The following GEMIN5 variants were observed in gnomAD, a reference collection of about 807,000 sequenced individuals.
GEMIN5 encodes the protein gem nuclear organelle associated protein 5.
A neutral mutation model predicts 176.9 loss-of-function variants in GEMIN5; 124 were observed. That is an observed-to-expected ratio of 0.70 (90% CI 0.61 to 0.81). The LOEUF (loss-of-function observed/expected upper bound fraction) is 0.81. Ranked by LOEUF, GEMIN5 falls within the 40% of genes least tolerant of loss-of-function variation. The probability of loss-of-function intolerance (pLI) is 0.00; values close to 1 mark genes in which losing one functional copy is unlikely to be tolerated. For synonymous variants in GEMIN5, 673 were observed against 665.2 expected, an observed-to-expected ratio of 1.01 and a Z score of -0.18; for missense variants, 1,843 against 1,814.6, an observed-to-expected ratio of 1.02 and a Z score of -0.28.
At position 154,891,548 on chromosome 5, in the gene GEMIN5, C is replaced by G. The variant is rs1221116724; in HGVS notation, c.3955G>C (p.Asp1319His). Residue 1319 changes from aspartate (D) to histidine (H), a missense_variant, in exon 26 of 28, where the codon GAC (aspartate) becomes CAC (histidine). Coordinates refer to ENST00000285873, the MANE Select transcript of GEMIN5 (RefSeq NM_015465.5). ...TLSVEPSQQL[D>H]TASTEETDPE... Reference sequence around the variant, plus strand: ...TCCGTTTCTTCAGTGCTGGCAGTGTCTAACTGCTGGCTTGGCTCAACAGAG... The same window carrying G: ...TCCGTTTCTTCAGTGCTGGCAGTGTGTAACTGCTGGCTTGGCTCAACAGAG... 1 of 1,614,166 alleles carries G rather than the reference C, an allele frequency of 6.2e-7. No individual in the cohort carries two copies. The highest frequency in any genetic ancestry group is 2.2e-5 in the East Asian group (1 of 44,884).
At chr5:154,893,902 C>G (rs1469812729) in intron 24 of GEMIN5, among the ~76,000 whole-genome samples, 1 of 152,106 alleles carries the variant, frequency 6.6e-6, no homozygotes, top group Non-Finnish European at 1.5e-5. Context: ...CGCCACCACG[C>G]GCGGCTAACA....
chr5:154,914,695 A>G (rs1763777744), intron 13 of GEMIN5, among the ~76,000 whole-genome samples: 2 of 151,808 alleles, frequency 1.3e-5, no homozygotes, highest in Non-Finnish European at 2.9e-5. Flanking sequence ...TCTTCCTGCC[A>G]TGGTCTCCTC....
At chr5:154,891,883 A>G in intron 25 of GEMIN5, 141 bp from the exon 26 acceptor site, 1 of 787,124 alleles carries the variant, frequency 1.3e-6, no homozygotes, top group South Asian at 1.8e-5. Context: ...ACCGGGCCAC[A>G]TGCCTTTCCA....
chr5:154,896,322 G>A lies in GEMIN5; in HGVS notation c.3367C>T (p.Leu1123Phe). 6.3e-7 allele frequency: 1 copy of A among 1,590,128 alleles called. No homozygotes were observed. The highest frequency in any genetic ancestry group is 1.1e-5 in the South Asian group (1 of 87,748). ...AGATGCCTGGACAGTAGCTCCAGAA[G>A]GCAAAACACCAATCTCTGACCCTGG... ...SLQGQRLVFCLLELLSRHLEE... is the reference protein window; with the variant it reads ...SLQGQRLVFCFLELLSRHLEE... The change falls in exon 24 of 28, where the codon CTT (leucine) becomes TTT (phenylalanine). Residue 1123 changes from leucine (L) to phenylalanine (F), a missense_variant. Transcript: ENST00000285873.
intron 15 of GEMIN5, among the ~76,000 whole-genome samples, chr5:154,908,331 C>T (rs2113477625): frequency 6.6e-6 from 1 of 152,236 alleles, no homozygotes; most frequent in Non-Finnish European, 1.5e-5. Flanking sequence ...CAGGCACGCA[C>T]AACCACGCCC....
Position 154,899,041 on chromosome 5 carries a change from T to C in GEMIN5, c.3134+150A>G. ...AAATCAGGAAGTAGTTCCTGATGAG[T>C]CTTATGAAACTAAGTTGAATATACA... On this transcript the variant is annotated intron_variant, in intron 22 of 27. Coordinates refer to ENST00000285873, the MANE Select transcript of GEMIN5 (RefSeq NM_015465.5). The C allele has an allele frequency of 5.5e-6, 4 of 732,366 alleles. No individual in the cohort carries two copies. In the South Asian group the frequency reaches 8.8e-5, roughly 16 times the overall value. 45.4% of individuals were successfully genotyped at this position (732,366 alleles called of 1,614,324 possible).
chr5:154,936,037 A>C lies in GEMIN5; in HGVS notation c.328-15T>G. On this transcript the variant is annotated splice_polypyrimidine_tract_variant and intron_variant, in intron 2 of 27. Coordinates refer to ENST00000285873, the MANE Select transcript of GEMIN5 (RefSeq NM_015465.5). ...GATATCGTATGCTTTAAAACAAAAC[A>C]AAAATTTGTTATTGTCAATGCTGAA... The C allele has an allele frequency of 1.3e-6, 2 of 1,527,244 alleles. No individual in the cohort carries two copies. Among genetic ancestry groups the C allele is most frequent in the Non-Finnish European group, 1.8e-6 (2 of 1,128,014 alleles). The allele number at this position is 1,527,244 out of a possible 1,614,324, so 94.6% of individuals were successfully genotyped here. A position where few individuals can be genotyped will look rare whatever the true frequency, so the allele number is the denominator to read the frequency against.
intron 16 of GEMIN5, among the ~76,000 whole-genome samples, chr5:154,906,773 A>T (rs1763576972): frequency 6.6e-6 from 1 of 152,188 alleles, no homozygotes; most frequent in Middle Eastern, 3.2e-3. Context: ...TATGTGTCTA[A>T]CAGCTATCCC....
chr5:154,888,516 T>C, intron 27 of GEMIN5, 139 bp from the exon 28 acceptor site: 1 of 643,402 alleles, frequency 1.6e-6, no homozygotes, highest in Non-Finnish European at 2.7e-6. Flanking sequence ...CCTAAGGCAA[T>C]GTCCTGTCTT....
chr5:154,935,211 A>G (rs1032536610), intron 3 of GEMIN5, among the ~76,000 whole-genome samples: 1 of 152,226 alleles, frequency 6.6e-6, no homozygotes, highest in South Asian at 2.1e-4. Flanking sequence ...TTTTTACAAC[A>G]AACTTTGTGA....
At chr5:154,891,198 A>T (rs1763217422) in intron 26 of GEMIN5, 43 bp downstream of exon 26, 1 of 1,559,622 alleles carries the variant, frequency 6.4e-7, no homozygotes, top group African/African-American at 1.4e-5. Flanking sequence ...CCTAGCCAGC[A>T]GGGTCATTTT....
At chr5:154,913,660 T>A (rs1763751868) in intron 13 of GEMIN5, among the ~76,000 whole-genome samples, 1 of 151,244 alleles carries the variant, frequency 6.6e-6, no homozygotes, top group Non-Finnish European at 1.5e-5. Context: ...AAAAAAAAAA[T>A]ACAAAAATTA....
At chr5:154,913,874 G>A (rs1454632732) in intron 13 of GEMIN5, among the ~76,000 whole-genome samples, 1 of 152,006 alleles carries the variant, frequency 6.6e-6, no homozygotes, top group Admixed American at 6.6e-5. Context: ...GGTGGTATGT[G>A]CCTGTAGTCC....
At chr5:154,901,591 G>T (rs1213363851) in intron 20 of GEMIN5, 105 bp from the exon 21 acceptor site, 1 of 924,658 alleles carries the variant, frequency 1.1e-6, no homozygotes, top group Non-Finnish European at 1.7e-6. Flanking sequence ...AATGCATTCA[G>T]CAGAACATTT....
chr5:154,897,925 T>TTA (rs1763384913), intron 23 of GEMIN5, among the ~76,000 whole-genome samples: 1 of 149,600 alleles, frequency 6.7e-6, no homozygotes. Context: ...TTTTTTTTTT[T>TTA]TTTTTTGAGA....
intron 25 of GEMIN5, 70 bp from the exon 26 acceptor site, chr5:154,891,812 T>A: frequency 3.5e-6 from 5 of 1,424,374 alleles, no homozygotes; most frequent in Non-Finnish European, 4.7e-6. Context: ...TTCCTGCCCT[T>A]ATGTTCTATT....
rs544722770 is a variant in GEMIN5 at position 154,916,777 on chromosome 5, G to C, written c.1855+221C>G. On this transcript the variant is annotated intron_variant, in intron 13 of 27. Transcript: ENST00000285873. ...CCTAAAGTGCCAGGATTACAGGTGT[G>C]AGCAACTGTGCCTGGCCAACTTCAT... 7.9e-5 allele frequency among the ~76,000 whole-genome samples: 12 copies of C among 152,252 alleles called. No individual in the cohort carries two copies. In the South Asian group the frequency reaches 2.5e-3, roughly 32 times the overall value.
At chr5:154,917,515 A>T (rs530207042) in intron 12 of GEMIN5, among the ~76,000 whole-genome samples, 1 of 152,356 alleles carries the variant, frequency 6.6e-6, no homozygotes, top group Admixed American at 6.5e-5. Context: ...TCAGGCATTA[A>T]TGACAAATGA....
At chr5:154,898,980 G>T (rs1582653480) in intron 22 of GEMIN5, among the ~76,000 whole-genome samples, 2 of 152,232 alleles carry the variant, frequency 1.3e-5, no homozygotes, top group East Asian at 1.9e-4. Flanking sequence ...CTGCTGCTGA[G>T]GTTTTTCTTG....
Sources: allele counts gnomAD v4.1 joint callset (sites outside exome capture counted in the v4.1 genomes callset), GRCh38; gene constraint gnomAD v4.1.1; transcripts MANE v1.5; gene names NCBI Gene and HGNC (gene_info 2026-07-23, HGNC 2026-07-21).